The following PARD3 variants were observed in gnomAD, a reference collection of about 807,000 sequenced individuals.
The protein encoded by PARD3 is partitioning defective 3 homolog.
A neutral mutation model predicts 155.4 loss-of-function variants in PARD3; 75 were observed. The observed-to-expected ratio is 0.48, with a 90% CI of 0.40 to 0.58. The LOEUF is 0.58. Among genes scored for constraint, PARD3 ranks in the 20% least tolerant of loss-of-function variants. The probability of loss-of-function intolerance (pLI) is 0.00; values close to 1 mark genes in which losing one functional copy is unlikely to be tolerated. For synonymous variants in PARD3, 576 were observed against 610.5 expected (o/e 0.94, Z 0.83); for missense variants, 1,642 against 1,721.7 (o/e 0.95, Z 0.82).
At chr10:34,296,220 T>G (rs1474952342) in intron 20 of PARD3, among the ~76,000 whole-genome samples, 1 of 152,224 alleles carries the variant, frequency 6.6e-6, no homozygotes, top group East Asian at 1.9e-4. Flanking sequence ...GCCCAACTAT[T>G]AGCCTTTGCA....
intron 18 of PARD3, among the ~76,000 whole-genome samples, chr10:34,335,278 A>C (rs1019680399): frequency 6.6e-6 from 1 of 151,986 alleles, no homozygotes; most frequent in African/African-American, 2.4e-5. Context: ...CCATGTTTAC[A>C]ATAATTTTTA....
chr10:34,512,805 G>C (rs2081480072), intron 3 of PARD3, among the ~76,000 whole-genome samples: 1 of 151,956 alleles, frequency 6.6e-6, no homozygotes, highest in South Asian at 2.1e-4. Flanking sequence ...TCTATACTAA[G>C]AATACTGGGT....
At chr10:34,781,225 A>T (rs1264237840) in intron 1 of PARD3, among the ~76,000 whole-genome samples, 1 of 152,208 alleles carries the variant, frequency 6.6e-6, no homozygotes, top group Non-Finnish European at 1.5e-5. Flanking sequence ...ACAGCTGCAG[A>T]CGCTGCTCAC....
At chr10:34,684,842 C>CAT (rs1245922750) in intron 2 of PARD3, among the ~76,000 whole-genome samples, 1 of 137,548 alleles carries the variant, frequency 7.3e-6, no homozygotes, top group Non-Finnish European at 1.6e-5. Flanking sequence ...TATATACACA[C>CAT]ACACATATAT....
intron 5 of PARD3, among the ~76,000 whole-genome samples, chr10:34,410,577 G>C (rs1844945529): frequency 6.6e-6 from 1 of 152,134 alleles, no homozygotes; most frequent in African/African-American, 2.4e-5. Flanking sequence ...TCATTTTAAG[G>C]TAGCCAGTAT....
intron 2 of PARD3, among the ~76,000 whole-genome samples, chr10:34,606,976 A>AAG: frequency 6.6e-6 from 1 of 151,294 alleles, no homozygotes; most frequent in East Asian, 1.9e-4. Context: ...AAAAAAAAAA[A>AAG]AAAAAAAAAA....
At chr10:34,511,916 A>G (rs965380556) in intron 3 of PARD3, among the ~76,000 whole-genome samples, 2 of 152,084 alleles carry the variant, frequency 1.3e-5, no homozygotes, top group African/African-American at 4.8e-5. Context: ...AATAGAGACA[A>G]GGTCCTTTAT....
At chr10:34,117,204 T>C (rs1946724300) in intron 24 of PARD3, among the ~76,000 whole-genome samples, 1 of 152,184 alleles carries the variant, frequency 6.6e-6, no homozygotes, top group Non-Finnish European at 1.5e-5. Context: ...CTTTGTTATG[T>C]TTCTCCTTCA....
At chr10:34,146,440 A>G (rs1564431185) in intron 22 of PARD3, among the ~76,000 whole-genome samples, 1 of 152,198 alleles carries the variant, frequency 6.6e-6, no homozygotes, top group Non-Finnish European at 1.5e-5. Flanking sequence ...TAATTTAGGG[A>G]GTACATTTTT....
chr10:34,263,224 C>T (rs1048026855), intron 22 of PARD3, among the ~76,000 whole-genome samples: 2 of 152,226 alleles, frequency 1.3e-5, no homozygotes, highest in African/African-American at 2.4e-5. Context: ...GTGCTTACTA[C>T]AGACCATGCT....
intron 5 of PARD3, among the ~76,000 whole-genome samples, chr10:34,407,346 G>C (rs1477743375): frequency 1.3e-5 from 2 of 152,140 alleles, no homozygotes; most frequent in African/African-American, 4.8e-5. Flanking sequence ...TTGTTTTCCA[G>C]AGGAGTGTGC....
chr10:34,396,257 G>A (rs1843331495), intron 7 of PARD3, among the ~76,000 whole-genome samples: 1 of 152,132 alleles, frequency 6.6e-6, no homozygotes, highest in African/African-American at 2.4e-5. Context: ...GGCTGATGCA[G>A]GAGAATTGCT....
chr10:34,284,800 G>A (rs1280934625), intron 20 of PARD3, among the ~76,000 whole-genome samples: 1 of 152,146 alleles, frequency 6.6e-6, no homozygotes, highest in Non-Finnish European at 1.5e-5. Context: ...AAATTGAAAG[G>A]TTTAAGGTAT....
chr10:34,334,563 G>T (rs1261198648), intron 18 of PARD3, among the ~76,000 whole-genome samples: 1 of 151,630 alleles, frequency 6.6e-6, no homozygotes, highest in African/African-American at 2.4e-5. Context: ...AAAAATAAGT[G>T]AAAATCTTTT....
intron 5 of PARD3, among the ~76,000 whole-genome samples, chr10:34,413,461 T>C (rs1332962938): frequency 4.0e-5 from 6 of 151,422 alleles, no homozygotes; most frequent in Non-Finnish European, 7.4e-5. Flanking sequence ...TTTTTTTTTT[T>C]TCCACTTATT....
intron 5 of PARD3, among the ~76,000 whole-genome samples, chr10:34,427,863 G>A (rs553086703): frequency 6.6e-6 from 1 of 152,246 alleles, no homozygotes; most frequent in Admixed American, 6.5e-5. Context: ...GATATGTGGA[G>A]GCGATGAAGG....
chr10:34,385,954 T>C (rs933456576), intron 7 of PARD3, among the ~76,000 whole-genome samples: 8 of 152,322 alleles, frequency 5.3e-5, no homozygotes, highest in Middle Eastern at 3.4e-3. Flanking sequence ...TACAAGTGAA[T>C]AGAATTTAGA....
intron 2 of PARD3, among the ~76,000 whole-genome samples, chr10:34,606,625 AC>A (rs1448426506): frequency 8.4e-6 from 1 of 118,756 alleles, no homozygotes; most frequent in South Asian, 2.9e-4. Context: ...ACATAGTGAG[AC>A]CCCCGTGTCT....
At chr10:34,468,012 T>C (rs1046747381) in intron 4 of PARD3, among the ~76,000 whole-genome samples, 1 of 152,154 alleles carries the variant, frequency 6.6e-6, no homozygotes, top group African/African-American at 2.4e-5. Context: ...GCAGCATTTC[T>C]AGGGTGGGTC....
Sources: allele counts gnomAD v4.1 joint callset (sites outside exome capture counted in the v4.1 genomes callset), GRCh38; gene constraint gnomAD v4.1.1; transcripts MANE v1.5; gene names NCBI Gene and HGNC (gene_info 2026-07-23, HGNC 2026-07-21).